Variants in GRK5 observed in about 807,000 individuals in gnomAD.
The protein encoded by GRK5 is g protein-coupled receptor kinase GRK5.
GRK5 carries 40 observed loss-of-function variants against 78.4 expected under a neutral mutation model. That is an observed-to-expected ratio of 0.51 (90% CI 0.40 to 0.66). The LOEUF (loss-of-function observed/expected upper bound fraction) is 0.66. Ranked by LOEUF, GRK5 falls within the 30% of genes least tolerant of loss-of-function variation. The probability of loss-of-function intolerance (pLI) is 0.00; values close to 1 mark genes in which losing one functional copy is unlikely to be tolerated. For synonymous variants in GRK5, 289 were observed against 296.8 expected, an observed-to-expected ratio of 0.97 and a Z score of 0.27; for missense variants, 598 against 759.9, an observed-to-expected ratio of 0.79 and a Z score of 2.50.
intron 1 of GRK5, among the ~76,000 whole-genome samples, chr10:119,226,005 T>C (rs909085699): frequency 2.0e-5 from 3 of 151,922 alleles, no homozygotes; most frequent in Non-Finnish European, 2.9e-5. Context: ...CCCGCCACCA[T>C]GCCTTGCTAA....
chr10:119,438,023 G>A (rs985531866), intron 9 of GRK5, among the ~76,000 whole-genome samples: 5 of 152,220 alleles, frequency 3.3e-5, no homozygotes, highest in Non-Finnish European at 7.3e-5. Flanking sequence ...GCTTTAACCT[G>A]GAGGTTGCAG....
intron 6 of GRK5, among the ~76,000 whole-genome samples, chr10:119,427,182 C>T (rs902293522): frequency 3.4e-4 from 51 of 151,004 alleles, no homozygotes; most frequent in Admixed American, 2.3e-3. Context: ...TCAGCATCAC[C>T]GCCATCATCA....
chr10:119,363,706 A>G (rs1851400539), intron 2 of GRK5, among the ~76,000 whole-genome samples: 1 of 152,160 alleles, frequency 6.6e-6, no homozygotes, highest in Admixed American at 6.5e-5. Flanking sequence ...GGAAGCTGGG[A>G]GGGGAAGAAG....
chr10:119,381,144 T>C (rs1270154555), intron 3 of GRK5, among the ~76,000 whole-genome samples: 1 of 152,178 alleles, frequency 6.6e-6, no homozygotes. Flanking sequence ...CCCTCCCCTC[T>C]GGACCTTAGT....
intron 1 of GRK5, among the ~76,000 whole-genome samples, chr10:119,275,107 G>T (rs1050707599): frequency 6.6e-6 from 1 of 152,192 alleles, no homozygotes; most frequent in African/African-American, 2.4e-5. Context: ...ATGGTTCCTG[G>T]CACATGGGCT....
chr10:119,427,544 A>G (rs369321717), intron 6 of GRK5, among the ~76,000 whole-genome samples: 4,862 of 148,242 alleles, frequency 0.033, 157 homozygotes, highest in African/African-American at 0.076. Context: ...CAGTATCACC[A>G]CCATCCTCAG....
chr10:119,411,842 C>CTTTTT (rs10578557), intron 4 of GRK5, among the ~76,000 whole-genome samples: 1,606 of 95,766 alleles, frequency 0.017, 184 homozygotes, highest in Middle Eastern at 0.058. Flanking sequence ...AGATCTGCTT[C>CTTTTT]TTTTTTTTTT....
intron 1 of GRK5, among the ~76,000 whole-genome samples, chr10:119,322,546 G>A (rs1420038580): frequency 6.6e-6 from 1 of 152,188 alleles, no homozygotes; most frequent in Non-Finnish European, 1.5e-5. Flanking sequence ...AACACATATT[G>A]GTTGAACGAA....
intron 1 of GRK5, among the ~76,000 whole-genome samples, chr10:119,316,673 C>T (rs945505321): frequency 6.6e-6 from 1 of 152,196 alleles, no homozygotes; most frequent in African/African-American, 2.4e-5. Flanking sequence ...GGGAGAGGTG[C>T]CCAGGGCAAG....
chr10:119,305,949 C>T (rs10787948), intron 1 of GRK5, among the ~76,000 whole-genome samples: 61,684 of 151,958 alleles, frequency 0.41, 14,065 homozygotes, highest in Non-Finnish European at 0.51. Context: ...AAGCAGGTGA[C>T]GGCCTGACCA....
intron 1 of GRK5, among the ~76,000 whole-genome samples, chr10:119,270,796 T>C (rs958430783): frequency 1.4e-4 from 21 of 152,236 alleles, no homozygotes; most frequent in East Asian, 9.6e-4. Flanking sequence ...GGTGTAACAA[T>C]AGGCATTTTC....
chr10:119,423,210 G>C lies in GRK5; in HGVS notation c.384G>C (p.Gln128His), dbSNP rs765439908. The stretch of plus-strand genomic sequence containing the variant: ...AAGTTGGCCAAGACCTGGTCTCCCA[G>C]ACGGAGGAGAAGCTCCTACAGAAGC... ...IAQVGQDLVS[Q>H]TEEKLLQKPC... The change falls in exon 5 of 16, where the codon CAG (glutamine) becomes CAC (histidine). Residue 128 changes from glutamine (Q) to histidine (H), a missense_variant. Gln to His is a conservative substitution (Grantham distance 24). Coordinates refer to ENST00000392870, the MANE Select transcript of GRK5 (RefSeq NM_005308.3). 4 of 1,614,060 alleles carry C rather than the reference G, an allele frequency of 2.5e-6. No homozygotes were observed. The highest frequency in any genetic ancestry group is 2.5e-6 in the Non-Finnish European group (3 of 1,180,012).
chr10:119,221,547 C>T (rs538354877), intron 1 of GRK5, among the ~76,000 whole-genome samples: 1 of 152,228 alleles, frequency 6.6e-6, no homozygotes, highest in East Asian at 1.9e-4. Context: ...TTTTCATTGT[C>T]TTTGACTAGT....
At chr10:119,409,125 AC>A (rs1564923367) in intron 4 of GRK5, among the ~76,000 whole-genome samples, 2 of 152,074 alleles carry the variant, frequency 1.3e-5, no homozygotes, top group African/African-American at 4.8e-5. Context: ...CCAGCTCCTG[AC>A]CCCCAACCTG....
intron 2 of GRK5, among the ~76,000 whole-genome samples, chr10:119,332,544 A>G (rs1850799139): frequency 6.6e-6 from 1 of 152,190 alleles, no homozygotes; most frequent in African/African-American, 2.4e-5. Flanking sequence ...TGTTGTCTAC[A>G]TTCATAATTG....
intron 1 of GRK5, among the ~76,000 whole-genome samples, chr10:119,216,561 C>T (rs1400591791): frequency 1.3e-5 from 2 of 152,228 alleles, no homozygotes; most frequent in Non-Finnish European, 1.5e-5. Context: ...GTAATCCCAG[C>T]ATTTTGGGAG....
chr10:119,338,563 T>C (rs749720897), intron 2 of GRK5, among the ~76,000 whole-genome samples: 14 of 152,218 alleles, frequency 9.2e-5, no homozygotes, highest in Non-Finnish European at 1.6e-4. Context: ...GATGTACATT[T>C]TTCCATTTGA....
At chr10:119,363,502 T>C (rs535164137) in intron 2 of GRK5, among the ~76,000 whole-genome samples, 2 of 152,288 alleles carry the variant, frequency 1.3e-5, no homozygotes, top group East Asian at 3.9e-4. Flanking sequence ...TAGACTAACA[T>C]TGGCCTAAAC....
chr10:119,408,163 C>CAA (rs34029208), intron 4 of GRK5, among the ~76,000 whole-genome samples: 10,826 of 73,728 alleles, frequency 0.15, 845 homozygotes, highest in East Asian at 0.38. Context: ...AACTCCATCT[C>CAA]AAAAAAAAAA....
Sources: gnomAD v4.1 joint callset for allele counts (sites outside exome capture counted in the v4.1 genomes callset) on GRCh38, gnomAD v4.1.1 for gene constraint, MANE v1.5 for transcripts, NCBI Gene and HGNC (gene_info 2026-07-23, HGNC 2026-07-21) for gene names.